FAM117B: variants seen among roughly 807,000 people sequenced by gnomAD.
FAM117B encodes protein FAM117B.
Under a neutral mutation model 52.8 loss-of-function variants are expected in FAM117B, and 22 were observed. The observed-to-expected ratio is 0.42, with a 90% confidence interval of 0.30 to 0.59. FAM117B has a LOEUF of 0.59. Among genes scored for constraint, FAM117B ranks in the 20% least tolerant of loss-of-function variants. FAM117B has a pLI of 0.22. For missense variants in FAM117B, 678 were observed against 802.6 expected, an observed-to-expected ratio of 0.84 and a Z score of 1.88; for synonymous variants, 309 against 324.1, an observed-to-expected ratio of 0.95 and a Z score of 0.50.
intron 2 of FAM117B, among the ~76,000 whole-genome samples, chr2:202,724,034 AACT>A (rs1691195543): frequency 6.7e-6 from 1 of 149,446 alleles, no homozygotes; most frequent in South Asian, 2.1e-4. Context: ...GGTTTGGTAT[AACT>A]ACTTAAGGTT....
In FAM117B at chr2:202,757,315, G is replaced by A. The variant is rs960626975; in HGVS notation, c.1207G>A (p.Gly403Arg). 6.2e-6 allele frequency: 10 copies of A among 1,614,000 alleles called. No homozygotes were observed. In the Admixed American group the frequency reaches 1.5e-4, roughly 24 times the overall value. ...ACAGACGCCTGGTGGGGCAGACAGG[G>A]GAAGCAACAACAGCAGCCGTTCCCA... ...DTQTPGGADR[G>R]SNNSSRSQSV... The change falls in exon 6 of 8, where the codon GGA (glycine) becomes AGA (arginine). Residue 403 changes from glycine (G) to arginine (R), a missense_variant. Gly to Arg is a moderately radical substitution (Grantham distance 125). This residue lies in a region of FAM117B where 583 missense variants were observed against 644.8 expected (regional missense o/e 0.90). Transcript: ENST00000392238.
At chr2:202,714,923 T>G (rs1177420976) in intron 2 of FAM117B, among the ~76,000 whole-genome samples, 2 of 152,006 alleles carry the variant, frequency 1.3e-5, no homozygotes, top group Non-Finnish European at 2.9e-5. Flanking sequence ...AAGTCTCCCA[T>G]GTCTACTTCT....
Position 202,757,455 on chromosome 2 carries a change from A to G in FAM117B, c.1330+17A>G. ...GAGATAAAGGTACAGTGCTGGAGGA[A>G]TGTGCTACTAGATGATAATGGAATA... On this transcript the variant is annotated intron_variant, in intron 6 of 7. Transcript: ENST00000392238. The G allele has an allele frequency of 5.6e-6, 9 of 1,607,800 alleles. No homozygotes were observed. The highest frequency in any genetic ancestry group is 6.0e-6 in the Non-Finnish European group (7 of 1,174,474).
chr2:202,753,985 AG>A (rs1691761563), intron 4 of FAM117B, among the ~76,000 whole-genome samples: 1 of 152,214 alleles, frequency 6.6e-6, no homozygotes. Context: ...TCAAGGATCT[AG>A]AACCAGAAAT....
chr2:202,634,994 A>AGCG lies in FAM117B; in HGVS notation c.-173_-171dup, dbSNP rs537447869. Among the ~76,000 whole-genome samples, 99 of 147,630 alleles carry AGCG rather than the reference A, an allele frequency of 6.7e-4. 1 individual carries two copies. In the East Asian group the frequency reaches 8.1e-3, roughly 12 times the overall value. On this transcript the variant is annotated 5_prime_UTR_variant, in exon 1 of 8. Transcript: ENST00000392238. ...AGAGGAGACACTATTGTTGATGAGG[A>AGCG]GCGGCGGCGGCGGCGGCGGCGGCTG...
intron 4 of FAM117B, among the ~76,000 whole-genome samples, chr2:202,732,567 C>T (rs774967505): frequency 3.9e-5 from 6 of 152,144 alleles, no homozygotes; most frequent in Non-Finnish European, 7.4e-5. Flanking sequence ...GCCCGAAATA[C>T]CAGCACTTTG....
chr2:202,693,338 G>A (rs1244319299), intron 1 of FAM117B, among the ~76,000 whole-genome samples: 1 of 152,128 alleles, frequency 6.6e-6, no homozygotes, highest in Admixed American at 6.5e-5. Flanking sequence ...GCCGGGTGTG[G>A]TGCCTCATGC....
chr2:202,636,410 GGTGTATTTCTGATTTT>G (rs1689687365), intron 1 of FAM117B, among the ~76,000 whole-genome samples: 1 of 152,132 alleles, frequency 6.6e-6, no homozygotes, highest in Non-Finnish European at 1.5e-5. Context: ...TGAGGCTCTG[GGTGTATTTCTGATTTT>G]GTGTACTGAT....
intron 1 of FAM117B, among the ~76,000 whole-genome samples, chr2:202,648,736 C>T (rs563308032): frequency 1.3e-5 from 2 of 151,830 alleles, no homozygotes; most frequent in Non-Finnish European, 2.9e-5. Context: ...ATGAATTTAT[C>T]TGTAGGACAA....
chr2:202,687,806 TG>T (rs1376759317), intron 1 of FAM117B, among the ~76,000 whole-genome samples: 1 of 152,214 alleles, frequency 6.6e-6, no homozygotes, highest in Non-Finnish European at 1.5e-5. Flanking sequence ...CTTATCTTTT[TG>T]ATACTATGCC....
At chr2:202,737,847 C>G (rs1002719884) in intron 4 of FAM117B, among the ~76,000 whole-genome samples, 1 of 152,148 alleles carries the variant, frequency 6.6e-6, no homozygotes, top group African/African-American at 2.4e-5. Context: ...GGTGATCTGA[C>G]CACCTCGACC....
intron 6 of FAM117B, 23 bp from the exon 7 acceptor site, chr2:202,759,210 A>G: frequency 6.2e-7 from 1 of 1,613,196 alleles, no homozygotes. Flanking sequence ...TTATGTAGTA[A>G]TCTAATGTGT....
chr2:202,641,679 G>C (rs1477970612), intron 1 of FAM117B, among the ~76,000 whole-genome samples: 1 of 138,226 alleles, frequency 7.2e-6, no homozygotes, highest in Admixed American at 7.6e-5. Flanking sequence ...CACTCTTGTT[G>C]CCCAGACTGG....
intron 2 of FAM117B, among the ~76,000 whole-genome samples, chr2:202,711,886 T>G (rs560148133): frequency 9.8e-5 from 15 of 152,310 alleles, no homozygotes; most frequent in Admixed American, 5.2e-4. Context: ...TTCTCTCTTC[T>G]ATTCCACTGA....
chr2:202,709,273 A>G lies in FAM117B; in HGVS notation c.753+13241A>G, dbSNP rs147374418. ...GCTGGAGTACAATGGAGTGATCTCA[A>G]TTCACTGCAACCTCTGCCTCCCGGG... On this transcript the variant is annotated intron_variant, in intron 2 of 7. Coordinates refer to ENST00000392238, the MANE Select transcript of FAM117B (RefSeq NM_173511.4). Among the ~76,000 whole-genome samples the G allele has an allele frequency of 4.2e-4, 63 of 151,210 alleles. No homozygotes were observed. The East Asian group carries it at 0.011, about 27-fold the overall frequency.
intron 2 of FAM117B, among the ~76,000 whole-genome samples, chr2:202,709,412 G>C (rs1690926584): frequency 6.6e-6 from 1 of 152,090 alleles, no homozygotes; most frequent in Non-Finnish European, 1.5e-5. Flanking sequence ...ATATTGGTCA[G>C]CCTGGTCTTG....
intron 1 of FAM117B, among the ~76,000 whole-genome samples, chr2:202,664,680 A>G (rs1300676333): frequency 6.6e-6 from 1 of 152,218 alleles, no homozygotes; most frequent in Non-Finnish European, 1.5e-5. Flanking sequence ...GTTCGTTATC[A>G]TGCATGACTT....
At chr2:202,733,278 T>G (rs540298742) in intron 4 of FAM117B, among the ~76,000 whole-genome samples, 5 of 152,144 alleles carry the variant, frequency 3.3e-5, no homozygotes, top group Admixed American at 1.3e-4. Flanking sequence ...AAGGGCAAAC[T>G]TAGAATTACT....
Position 202,691,698 on chromosome 2 carries a change from T to TGTGTGCGTGC in FAM117B, c.602-4182_602-4181insTGTGCGTGCG, listed in dbSNP as rs1476079292. On this transcript the variant is annotated intron_variant, in intron 1 of 7. Coordinates refer to ENST00000392238, the MANE Select transcript of FAM117B (RefSeq NM_173511.4). ...GTGTGTGTGTGTGTGTGTGTGTGTG[T>TGTGTGCGTGC]GCGCGCGCGCCTCCCCACCCTGCCA... Among the ~76,000 whole-genome samples, 4 of 131,162 alleles carry TGTGTGCGTGC rather than the reference T, an allele frequency of 3.0e-5. No homozygotes were observed. In the South Asian group the frequency reaches 1.1e-3, roughly 35 times the overall value. The allele number at this position is 131,162 out of a possible 152,430, so 86.0% of individuals were successfully genotyped here. A position where few individuals can be genotyped will look rare whatever the true frequency, so the allele number is the denominator to read the frequency against.
Sources: gnomAD v4.1 joint callset for allele counts (sites outside exome capture counted in the v4.1 genomes callset) on GRCh38, gnomAD v4.1.1 for gene constraint, gnomAD v4.1.1 regional missense constraint, MANE v1.5 for transcripts, NCBI Gene and HGNC (gene_info 2026-07-23, HGNC 2026-07-21) for gene names.